Variants in SLC3A1 observed in about 807,000 individuals in gnomAD.
The protein encoded by SLC3A1 is solute carrier family 3 member 1, also known as amino acid transporter heavy chain SLC3A1.
SLC3A1 carries 78 observed loss-of-function variants against 60.3 expected under a neutral mutation model. That is an observed-to-expected ratio of 1.29 (90% CI 1.08 to 1.56). The LOEUF (loss-of-function observed/expected upper bound fraction) is 1.56. SLC3A1 is among the 40% of genes most tolerant of loss of function. SLC3A1 has a pLI of 0.00. For synonymous variants in SLC3A1, 392 were observed against 307.9 expected (o/e 1.27, Z -2.86); for missense variants, 1,172 against 858.9 (o/e 1.36, Z -4.56).
intron 6 of SLC3A1, 72 bp downstream of exon 6, chr2:44,301,199 A>T: frequency 6.3e-7 from 1 of 1,587,100 alleles, no homozygotes; most frequent in Non-Finnish European, 8.6e-7. Context: ...CTCACAACCA[A>T]GTGTATTTGG....
At chr2:44,321,597 C>G, downstream of SLC3A1, 1 of 1,484,154 alleles carries the variant, frequency 6.7e-7, no homozygotes, top group South Asian at 1.4e-5. Context: ...CAGAAGGCTT[C>G]CAACAATTAA....
intron 7 of SLC3A1, 137 bp downstream of exon 7, chr2:44,304,475 C>A (rs1161629184): frequency 1.4e-6 from 1 of 721,892 alleles, no homozygotes; most frequent in Non-Finnish European, 2.5e-6. Flanking sequence ...GTGGTCAGGC[C>A]TGTCACAGCC....
chr2:44,285,770 TGG>T (rs1671598656), intron 3 of SLC3A1: 3 of 627,018 alleles, frequency 4.8e-6, no homozygotes, highest in Non-Finnish European at 9.1e-6. Flanking sequence ...GACCTTGTCT[TGG>T]GTTTGAGAAC....
At chr2:44,315,441 G>A (rs1011366869) in intron 9 of SLC3A1, among the ~76,000 whole-genome samples, 3 of 151,134 alleles carry the variant, frequency 2.0e-5, no homozygotes, top group Admixed American at 6.6e-5. Flanking sequence ...TTGAGCACAG[G>A]AGTTTGAGAC....
intron 6 of SLC3A1, among the ~76,000 whole-genome samples, chr2:44,301,890 C>T (rs1265015128): frequency 1.3e-5 from 2 of 151,700 alleles, no homozygotes; most frequent in Non-Finnish European, 2.9e-5. Context: ...CGAAACCCCT[C>T]CTCTACTAGA....
Position 44,304,072 on chromosome 2 carries a change from A to G in SLC3A1, c.1137-71A>G, listed in dbSNP as rs539110565. Reference sequence around the variant, plus strand: ...CCCCTACATCTTGTACATGCAAGATAAGCAGCTGTGGAGTGCCTTCCCAGT... The same window carrying G: ...CCCCTACATCTTGTACATGCAAGATGAGCAGCTGTGGAGTGCCTTCCCAGT... On this transcript the variant is annotated intron_variant, in intron 6 of 9. Transcript: ENST00000260649. 7 of 1,129,252 alleles carry G rather than the reference A, an allele frequency of 6.2e-6. No individual in the cohort carries two copies. The African/African-American group carries it at 1.1e-4, about 17-fold the overall frequency. The allele number at this position is 1,129,252 out of a possible 1,614,324, so 70.0% of individuals were successfully genotyped here.
intron 1 of SLC3A1, among the ~76,000 whole-genome samples, chr2:44,277,491 C>G (rs1671375956): frequency 6.6e-6 from 1 of 152,098 alleles, no homozygotes; most frequent in Non-Finnish European, 1.5e-5. Context: ...AGCTCAAACC[C>G]ATTGCCTTCA....
rs550953255 is a variant in SLC3A1, at chr2:44,320,771, G to A, written c.*132G>A. The A allele has an allele frequency of 1.2e-5, 9 of 747,818 alleles. No homozygotes were observed. The highest frequency in any genetic ancestry group is 3.1e-5 in the South Asian group (2 of 64,328). 46.3% of individuals were successfully genotyped at this position (747,818 alleles called of 1,614,324 possible). ...ATATTTCTGTAGCTTGAATGTAACTGCTTTAAGAAAGGTTCTCAAATGTTT... is the reference window on the plus strand; with the variant it reads ...ATATTTCTGTAGCTTGAATGTAACTACTTTAAGAAAGGTTCTCAAATGTTT... On this transcript the variant is annotated 3_prime_UTR_variant, in exon 10 of 10. Coordinates refer to ENST00000260649, the MANE Select transcript of SLC3A1 (RefSeq NM_000341.4).
chr2:44,280,534 G>A lies in SLC3A1; in HGVS notation c.431-182G>A, dbSNP rs12473699. Among the ~76,000 whole-genome samples, 75,570 of 152,010 alleles carry A rather than the reference G, an allele frequency of 0.5. 19,922 individuals carry two copies. Among genetic ancestry groups the A allele is most frequent in the Non-Finnish European group, 0.6 (40,478 of 67,990 alleles). On this transcript the variant is annotated intron_variant, in intron 1 of 9. Transcript: ENST00000260649. ...ATTACAGGCGTGAACCACTACACCCGACCTAATTTGATATTTTTTGTAGAG... is the reference window on the plus strand; with the variant it reads ...ATTACAGGCGTGAACCACTACACCCAACCTAATTTGATATTTTTTGTAGAG...
At chr2:44,284,188 T>G (rs1330033691) in intron 3 of SLC3A1, among the ~76,000 whole-genome samples, 1 of 152,144 alleles carries the variant, frequency 6.6e-6, no homozygotes, top group Non-Finnish European at 1.5e-5. Flanking sequence ...CAAGCGATTC[T>G]CCTGCCTCAG....
chr2:44,301,063 C>T lies in SLC3A1; in HGVS notation c.1072C>T (p.His358Tyr). The change falls in exon 6 of 10, where the codon CAC becomes TAC. Residue 358 changes from histidine to tyrosine, a missense_variant. Transcript: ENST00000260649. ...HDFTTTQVGM[H>Y]DIVRSFRQTM... ...CTTCACCACCACGCAGGTGGGAATG[C>T]ACGACATTGTCCGCAGCTTCCGGCA... 6.2e-7 allele frequency: 1 copy of T among 1,614,156 alleles called. No individual in the cohort carries two copies. The highest frequency in any genetic ancestry group is 8.5e-7 in the Non-Finnish European group (1 of 1,180,008).
chr2:44,306,456 C>T (rs190285845), intron 7 of SLC3A1, among the ~76,000 whole-genome samples: 45 of 151,294 alleles, frequency 3.0e-4, no homozygotes, highest in African/African-American at 1.0e-3. Flanking sequence ...AATTTTTAGG[C>T]ATGGTAAAAG....
Position 44,313,727 on chromosome 2 carries a change from C to T in SLC3A1, c.1501-108C>T, listed in dbSNP as rs1238774904. 3.2e-6 allele frequency: 3 copies of T among 947,060 alleles called. No individual in the cohort carries two copies. In the African/African-American group the frequency reaches 4.8e-5, roughly 15 times the overall value. The allele number at this position is 947,060 out of a possible 1,614,324, so 58.7% of individuals were successfully genotyped here. On this transcript the variant is annotated intron_variant, in intron 8 of 9. Transcript: ENST00000260649. Reference sequence around the variant, plus strand: ...TCACAAATGCTAATGAGTACAAACACTAGCTAAGAACTATGGGGAATTAAA... The same window carrying T: ...TCACAAATGCTAATGAGTACAAACATTAGCTAAGAACTATGGGGAATTAAA...
In SLC3A1 at chr2:44,300,012, T is replaced by C. The variant is rs1469612063; in HGVS notation, c.933T>C (p.Phe311=). The change falls in exon 5 of 10, where the codon TTT becomes TTC. Residue 311 remains phenylalanine, a synonymous_variant. Transcript: ENST00000260649. ...GGCTCACAAAGGGTGTTGATGGTTT[T>C]AGTTTGGATGCTGTTAAATTCCTCC... ...RFWLTKGVDG[F]SLDAVKFLLE... 7 of 1,613,924 alleles carry C rather than the reference T, an allele frequency of 4.3e-6. No homozygotes were observed. Among genetic ancestry groups the C allele is most frequent in the South Asian group, 1.1e-5 (1 of 91,086 alleles).
chr2:44,281,507 A>G lies in SLC3A1; in HGVS notation c.731A>G (p.His244Arg), dbSNP rs1324158493. The change falls in exon 3 of 10, where the codon CAT (histidine) becomes CGT (arginine). Residue 244 changes from histidine (H) to arginine (R), a missense_variant. Coordinates refer to ENST00000260649, the MANE Select transcript of SLC3A1 (RefSeq NM_000341.4). ...TATTATATCTGGCATGACTGTACCCATGAAAATGGCAAAACCATTCCACCC... is the reference window on the plus strand; with the variant it reads ...TATTATATCTGGCATGACTGTACCCGTGAAAATGGCAAAACCATTCCACCC... ...TDYYIWHDCT[H>R]ENGKTIPPNN... 6.2e-7 allele frequency: 1 copy of G among 1,614,178 alleles called. No individual in the cohort carries two copies. Among genetic ancestry groups the G allele is most frequent in the Admixed American group, 1.7e-5 (1 of 60,024 alleles).
At chr2:44,276,635 A>G (rs1671347722) in intron 1 of SLC3A1, among the ~76,000 whole-genome samples, 1 of 151,972 alleles carries the variant, frequency 6.6e-6, no homozygotes. Context: ...CTGAGGTGGG[A>G]GGATCGCTTG....
intron 7 of SLC3A1, among the ~76,000 whole-genome samples, chr2:44,311,221 C>T (rs1012429137): frequency 5.3e-5 from 8 of 152,136 alleles, no homozygotes; most frequent in Non-Finnish European, 8.8e-5. Context: ...AGCTATTGTA[C>T]TTTTTAACTC....
At chr2:44,278,449 A>AAAATAAAT (rs542664708) in intron 1 of SLC3A1, among the ~76,000 whole-genome samples, 4 of 151,576 alleles carry the variant, frequency 2.6e-5, no homozygotes, top group African/African-American at 9.7e-5. Context: ...CTCCATCTCA[A>AAAATAAAT]AAATAAATAA....
At chr2:44,306,898 G>A (rs957678788) in intron 7 of SLC3A1, among the ~76,000 whole-genome samples, 5 of 151,242 alleles carry the variant, frequency 3.3e-5, no homozygotes, top group African/African-American at 1.2e-4. Flanking sequence ...GTGGATTTTC[G>A]GTATATTCAC....
Sources: gnomAD v4.1 joint callset for allele counts (sites outside exome capture counted in the v4.1 genomes callset) on GRCh38, gnomAD v4.1.1 for gene constraint, MANE v1.5 for transcripts, NCBI Gene and HGNC (gene_info 2026-07-23, HGNC 2026-07-21) for gene names.